Variants in ADCY4 observed in about 807,000 individuals in gnomAD.
ADCY4 encodes adenylate cyclase 4.
In ADCY4, 111 loss-of-function variants were observed where a neutral mutation model predicts 125.5. That is an observed-to-expected ratio of 0.88 (90% CI 0.76 to 1.04). ADCY4 has a LOEUF of 1.04. ADCY4 is among the 50% of genes least tolerant of loss of function. The pLI is 0.00. For missense variants in ADCY4, 1,256 were observed against 1,382.9 expected (o/e 0.91, Z 1.46); for synonymous variants, 576 against 586.9 (o/e 0.98, Z 0.27).
At position 24,331,068 on chromosome 14, in the gene ADCY4, G is replaced by A. The variant is rs951572815; in HGVS notation, c.880C>T (p.Leu294=). 1 of 1,613,352 alleles carries A rather than the reference G, an allele frequency of 6.2e-7. No homozygotes were observed. The highest frequency in any genetic ancestry group is 8.5e-7 in the Non-Finnish European group (1 of 1,179,380). ...RLASECSPKE[L]VLMLNELFGK... is the part of the protein sequence containing the mutation. The stretch of plus-strand genomic sequence containing the variant: ...AAGAGCTCATTGAGCATGAGCACCA[G>A]CTCCTTAGGGGAACACTCGCTGGCC... The change falls in exon 6 of 25, where the codon CTG becomes TTG. Residue 294 remains leucine (L), a synonymous_variant. Transcript: ENST00000418030.
At chr14:24,324,265 C>A in intron 15 of ADCY4, 42 bp downstream of exon 15, 1 of 1,614,098 alleles carries the variant, frequency 6.2e-7, no homozygotes, top group Non-Finnish European at 8.5e-7. Context: ...AGGTTGTGAC[C>A]AGGGCTCCGG....
chr14:24,330,061 C>T (rs148223016), intron 7 of ADCY4, 43 bp from the exon 8 acceptor site: 3 of 1,600,500 alleles, frequency 1.9e-6, no homozygotes, highest in East Asian at 4.5e-5. Context: ...CTACCCTCAG[C>T]CCTGCCTGTG....
chr14:24,324,468 G>C (rs2041909005), intron 14 of ADCY4, 77 bp from the exon 15 acceptor site: 2 of 1,494,844 alleles, frequency 1.3e-6, no homozygotes, highest in Admixed American at 1.8e-5. Context: ...GTGTGAGCTG[G>C]GTGGGAGATA....
At position 24,323,368 on chromosome 14, in the gene ADCY4, C is replaced by T. The variant is rs1451709275; in HGVS notation, c.2133G>A (p.Gly711=). Residue 711 remains glycine, a synonymous_variant, in exon 17 of 25, where the codon GGG becomes GGA. Coordinates refer to ENST00000418030, the MANE Select transcript of ADCY4 (RefSeq NM_001198568.2). The part of the protein sequence containing the change: ...MISNLSWELP[G]SLPLISVPYS... The stretch of plus-strand genomic sequence containing the variant: ...CTGGGACACTGATGAGAGGCAGAGA[C>T]CCAGGGAGCTCCCAGGAGAGGTTGG... The T allele has an allele frequency of 6.4e-7, 1 of 1,555,874 alleles. No individual in the cohort carries two copies. The highest frequency in any genetic ancestry group is 8.7e-7 in the Non-Finnish European group (1 of 1,148,744).
chr14:24,335,062 G>C lies in ADCY4; in HGVS notation c.-410C>G, dbSNP rs1172023042. On this transcript the variant is annotated 5_prime_UTR_variant, in exon 1 of 25. Coordinates refer to ENST00000418030, the MANE Select transcript of ADCY4 (RefSeq NM_001198568.2). ...ACCTGATGGCGGAGTCACGCTCGCC[G>C]CTGCGCTCTGGCTCAGAGTCCCGGG... 6.3e-6 allele frequency: 1 copy of C among 158,996 alleles called. No homozygotes were observed. Among genetic ancestry groups the C allele is most frequent in the Non-Finnish European group, 1.4e-5 (1 of 72,770 alleles). 9.8% of individuals were successfully genotyped at this position (158,996 alleles called of 1,614,324 possible). A position where few individuals can be genotyped will look rare whatever the true frequency, so the allele number is the denominator to read the frequency against.
intron 20 of ADCY4, chr14:24,321,811 C>A: frequency 8.3e-7 from 1 of 1,198,588 alleles, no homozygotes; most frequent in Non-Finnish European, 1.0e-6. Flanking sequence ...CTCCCATCAA[C>A]GCCTAGGCTT....
intron 24 of ADCY4, 23 bp from the exon 25 acceptor site, chr14:24,318,591 G>T: frequency 1.9e-6 from 3 of 1,614,074 alleles, no homozygotes; most frequent in Non-Finnish European, 2.5e-6. Context: ...GGGGGCGAGG[G>T]AATATGGAGG....
At chr14:24,318,848 A>C (rs2041809374) in intron 23 of ADCY4, 70 bp from the exon 24 acceptor site, 2 of 1,602,352 alleles carry the variant, frequency 1.2e-6, no homozygotes, top group Non-Finnish European at 1.7e-6. Flanking sequence ...AGGAACTGGA[A>C]GGAAGGGAGA....
Position 24,331,111 on chromosome 14 carries a change from G to A in ADCY4, c.837C>T (p.Ile279=), listed in dbSNP as rs373011918. Residue 279 remains isoleucine (I), a synonymous_variant, in exon 6 of 25, where the codon ATC becomes ATT. Coordinates refer to ENST00000418030, the MANE Select transcript of ADCY4 (RefSeq NM_001198568.2). ...CGCTGGCCAGCCGCGTGAAGCCCAC[G>A]ATGTCAGCATACAGCACGCTGCATA... ...HQGVSVLYAD[I]VGFTRLASEC... 57 of 1,613,316 alleles carry A rather than the reference G, an allele frequency of 3.5e-5. No homozygotes were observed. The highest frequency in any genetic ancestry group is 3.8e-5 in the Non-Finnish European group (45 of 1,179,488).
In ADCY4 at chr14:24,331,769, C is replaced by A; in HGVS notation, c.669+19G>T. On this transcript the variant is annotated intron_variant, in intron 4 of 24. Coordinates refer to ENST00000418030, the MANE Select transcript of ADCY4 (RefSeq NM_001198568.2). ...TCCTCCCTCGGAGCGCTGCTCTGAC[C>A]TTCCTAGGCCCGGCTGACCTGGTGC... 1.3e-6 allele frequency: 2 copies of A among 1,552,462 alleles called. No individual in the cohort carries two copies.
chr14:24,322,850 C>G, intron 18 of ADCY4, 54 bp downstream of exon 18: 1 of 1,547,012 alleles, frequency 6.5e-7, no homozygotes, highest in Non-Finnish European at 8.7e-7. Flanking sequence ...CTGCTGTATC[C>G]CATCTCACCC....
intron 10 of ADCY4, among the ~76,000 whole-genome samples, chr14:24,328,233 G>GT (rs546593964): frequency 2.0e-5 from 2 of 99,820 alleles, no homozygotes; most frequent in African/African-American, 8.8e-5. Flanking sequence ...AAGCGGGGTG[G>GT]GGGGGGGGGT....
chr14:24,330,156 G>T lies in ADCY4; in HGVS notation c.1058+12C>A, dbSNP rs373387300. On this transcript the variant is annotated intron_variant, in intron 7 of 24. Transcript: ENST00000418030. ...ACCCTCAGCATTCCTCTTGACCACCGCCTGAGCTGACCTGATGGCCCGGCA... is the reference window on the plus strand; with the variant it reads ...ACCCTCAGCATTCCTCTTGACCACCTCCTGAGCTGACCTGATGGCCCGGCA... 2 of 1,611,610 alleles carry T rather than the reference G, an allele frequency of 1.2e-6. No individual in the cohort carries two copies. Among genetic ancestry groups the T allele is most frequent in the Non-Finnish European group, 1.7e-6 (2 of 1,178,188 alleles).
chr14:24,322,733 ACCCCTTGCTTTC>A (rs1407552031), intron 18 of ADCY4, 25 bp from the exon 19 acceptor site: 1 of 1,610,084 alleles, frequency 6.2e-7, no homozygotes, highest in South Asian at 1.1e-5. Context: ...GATCAGGGTG[ACCCCTTGCTTTC>A]CCCCTTCCTG....
chr14:24,326,727 G>C (rs1008888021), intron 10 of ADCY4, among the ~76,000 whole-genome samples: 6 of 152,022 alleles, frequency 3.9e-5, no homozygotes, highest in Non-Finnish European at 7.4e-5. Flanking sequence ...CCAGGTGGCT[G>C]GGATTACAGG....
Position 24,318,553 on chromosome 14 carries a change from C to T in ADCY4, c.3097G>A (p.Ala1033Thr). The change falls in exon 25 of 25, where the codon GCA becomes ACA. Residue 1033 changes from alanine (A) to threonine (T), a missense_variant. Transcript: ENST00000418030. ...LGKIQVTEET[A>T]WALQSLGYTC... ...TAGCCCAGGGACTGTAGGGCCCATG[C>T]TGTCTCCTCAGTCACCTACAATTGG... 1 of 1,614,086 alleles carries T rather than the reference C, an allele frequency of 6.2e-7. No individual in the cohort carries two copies. The highest frequency in any genetic ancestry group is 8.5e-7 in the Non-Finnish European group (1 of 1,179,978).
intron 8 of ADCY4, 87 bp from the exon 9 acceptor site, chr14:24,329,620 T>C: frequency 6.8e-7 from 1 of 1,478,062 alleles, no homozygotes; most frequent in Non-Finnish European, 9.0e-7. Context: ...CTCCTAGAAC[T>C]GACAAACATC....
At position 24,331,877 on chromosome 14, in the gene ADCY4, G is replaced by A. The variant is rs1200367103; in HGVS notation, c.580C>T (p.Leu194=). ...GTGGCCCGCAGGGCGCGCTCCATCA[G>A]CGCCTTGTGGTACACTCCTGCCACG... ...GNVAGVYHKA[L]MERALRATFR... The change falls in exon 4 of 25, where the codon CTG becomes TTG. Residue 194 remains leucine (L), a synonymous_variant. Coordinates refer to ENST00000418030, the MANE Select transcript of ADCY4 (RefSeq NM_001198568.2). 6.2e-7 allele frequency: 1 copy of A among 1,600,802 alleles called. No individual in the cohort carries two copies. Among genetic ancestry groups the A allele is most frequent in the East Asian group, 2.2e-5 (1 of 44,490 alleles).
In ADCY4 at chr14:24,324,103, C is replaced by T. The variant is rs766843532; in HGVS notation, c.2005G>A (p.Ala669Thr). 12 of 1,614,098 alleles carry T rather than the reference C, an allele frequency of 7.4e-6. No individual in the cohort carries two copies. The highest frequency in any genetic ancestry group is 4.4e-5 in the South Asian group (4 of 91,082). ...ATGGCAAAGACAAGGAGGATGGTGGCGGTGCCCAAGGCTATTCTCAGTCCT... is the reference window on the plus strand; with the variant it reads ...ATGGCAAAGACAAGGAGGATGGTGGTGGTGCCCAAGGCTATTCTCAGTCCT... Reference protein sequence around the residue: ...RPGLRIALGTATILLVFAMAI... With the variant: ...RPGLRIALGTTTILLVFAMAI... Residue 669 changes from alanine to threonine, a missense_variant, in exon 16 of 25, where the codon GCC (alanine) becomes ACC (threonine). By Grantham distance (58) the Ala-to-Thr change is moderately conservative. Coordinates refer to ENST00000418030, the MANE Select transcript of ADCY4 (RefSeq NM_001198568.2).
Sources: gnomAD v4.1 joint callset for allele counts (sites outside exome capture counted in the v4.1 genomes callset) on GRCh38, gnomAD v4.1.1 for gene constraint, MANE v1.5 for transcripts, NCBI Gene and HGNC (gene_info 2026-07-23, HGNC 2026-07-21) for gene names.